Variants in RALY observed in about 807,000 individuals in gnomAD.
The protein encoded by RALY is RNA-binding protein Raly.
In RALY, 15 loss-of-function variants were observed where a neutral mutation model predicts 30.7. The ratio of observed to expected loss-of-function variants is 0.49; its 90% CI spans 0.33 to 0.75. The LOEUF (loss-of-function observed/expected upper bound fraction) is 0.75, where lower values mean the gene tolerates loss of function less well. RALY is among the 30% of genes least tolerant of loss of function. The pLI is 0.02. For missense variants in RALY, 339 were observed against 414.3 expected (o/e 0.82, Z 1.58); for synonymous variants, 177 against 170.8 (o/e 1.04, Z -0.28).
intron 1 of RALY, among the ~76,000 whole-genome samples, chr20:34,031,108 C>T (rs887608175): frequency 2.7e-5 from 4 of 147,956 alleles, no homozygotes; most frequent in African/African-American, 5.0e-5. Flanking sequence ...TGCAGTGGCA[C>T]GATCTCGCTC....
Position 34,076,689 on chromosome 20 carries a change from C to A in RALY, c.545-13C>A, listed in dbSNP as rs753197185. 4 of 1,612,152 alleles carry A rather than the reference C, an allele frequency of 2.5e-6. No homozygotes were observed. Among genetic ancestry groups the A allele is most frequent in the Non-Finnish European group, 3.4e-6 (4 of 1,178,722 alleles). ...CCCCCTAGGTGACAGCCCTGTCCCCCCTCCACTCCCAGTAAAGAGCAGTGA... is the reference window on the plus strand; with the variant it reads ...CCCCCTAGGTGACAGCCCTGTCCCCACTCCACTCCCAGTAAAGAGCAGTGA... On this transcript the variant is annotated splice_polypyrimidine_tract_variant and intron_variant, in intron 6 of 9. Transcript: ENST00000246194.
intron 2 of RALY, among the ~76,000 whole-genome samples, chr20:34,060,085 C>T (rs1201455485): frequency 2.0e-5 from 3 of 152,146 alleles, no homozygotes; most frequent in African/African-American, 7.2e-5. Context: ...TTTCCAAATA[C>T]TAGAGTTTTG....
intron 8 of RALY, 90 bp downstream of exon 8, chr20:34,077,335 C>A: frequency 6.4e-7 from 1 of 1,570,044 alleles, no homozygotes; most frequent in Non-Finnish European, 8.6e-7. Flanking sequence ...GAGCTGGTTG[C>A]CCCCACTGTG....
intron 6 of RALY, chr20:34,076,341 C>G (rs2122317319): frequency 2.0e-6 from 1 of 508,532 alleles, no homozygotes; most frequent in East Asian, 3.5e-5. Flanking sequence ...CACATTCACT[C>G]TGGTACACAC....
At position 34,077,084 on chromosome 20, in the gene RALY, A is replaced by AGCGGTG. The variant is rs377408088; in HGVS notation, c.724_729dup (p.Gly242_Gly243dup). The AGCGGTG allele has an allele frequency of 3.0e-5, 48 of 1,605,232 alleles. No individual in the cohort carries two copies. In the South Asian group the frequency reaches 4.8e-4, roughly 16 times the overall value. ...CGGCGGCGGCGGCGGTGGTGGTGGC[A>AGCGGTG]GCGGTGGCGGTGGCAGTGGTGGTGG... On this transcript the variant is annotated inframe_insertion, in exon 8 of 10. Transcript: ENST00000246194.
chr20:34,072,780 T>C (rs1010654928), intron 3 of RALY, among the ~76,000 whole-genome samples: 1 of 152,236 alleles, frequency 6.6e-6, no homozygotes, highest in Non-Finnish European at 1.5e-5. Flanking sequence ...TCTTGAAGTA[T>C]GTACAGTGTT....
intron 1 of RALY, among the ~76,000 whole-genome samples, chr20:34,000,185 C>T (rs2030848647): frequency 6.6e-6 from 1 of 152,192 alleles, no homozygotes; most frequent in Non-Finnish European, 1.5e-5. Flanking sequence ...GCTCAGGGTG[C>T]AGCTCACAGA....
At chr20:34,076,868 C>G (rs929727074) in intron 7 of RALY, 53 bp downstream of exon 7, 25 of 1,598,240 alleles carry the variant, frequency 1.6e-5, no homozygotes, top group African/African-American at 2.7e-5. Context: ...CAGGGCAGAG[C>G]ATGGGGAAAT....
At chr20:34,061,038 G>A (rs2033401051) in intron 2 of RALY, among the ~76,000 whole-genome samples, 1 of 152,168 alleles carries the variant, frequency 6.6e-6, no homozygotes, top group Admixed American at 6.5e-5. Flanking sequence ...TTTGTAAACA[G>A]CCATGATAAA....
At chr20:34,022,079 TTTC>T (rs1282311664) in intron 1 of RALY, among the ~76,000 whole-genome samples, 7 of 148,408 alleles carry the variant, frequency 4.7e-5, no homozygotes, top group African/African-American at 1.5e-4. Context: ...TCCTTTTTTC[TTTC>T]TTTCTTTCTT....
chr20:34,059,279 G>C (rs572492233), intron 2 of RALY, among the ~76,000 whole-genome samples: 3 of 152,348 alleles, frequency 2.0e-5, no homozygotes, highest in African/African-American at 4.8e-5. Flanking sequence ...GATTCTGCAT[G>C]AAAGGATTTT....
chr20:34,052,536 A>G (rs529501123), intron 2 of RALY, among the ~76,000 whole-genome samples: 5 of 152,220 alleles, frequency 3.3e-5, no homozygotes, highest in Non-Finnish European at 7.3e-5. Flanking sequence ...AGGATCCTGC[A>G]AACCACTAAT....
At position 34,084,642 on chromosome 20, in the gene RALY, T is replaced by C. The variant is rs935878023; in HGVS notation, c.*4737T>C. The stretch of plus-strand genomic sequence containing the variant: ...CTGAAGCACTAGCAGCTTCCACTTA[T>C]TATCTCTTGGGACTCTAGCTCTTGG... On this transcript the variant is annotated 3_prime_UTR_variant, in exon 10 of 10. Transcript: ENST00000246194. 6 of 152,296 alleles carry C rather than the reference T, an allele frequency of 3.9e-5. No homozygotes were observed. The highest frequency in any genetic ancestry group is 6.5e-5 in the Admixed American group (1 of 15,282). The allele number at this position is 152,296 out of a possible 1,614,324, so 9.4% of individuals were successfully genotyped here.
intron 2 of RALY, chr20:34,033,362 G>A (rs946326873): frequency 3.3e-5 from 5 of 152,214 alleles, no homozygotes; most frequent in African/African-American, 4.8e-5. Flanking sequence ...CTCGTTTTAT[G>A]TTGTTATAAA....
At position 33,999,775 on chromosome 20, in the gene RALY, G is replaced by A. The variant is rs527612391; in HGVS notation, c.-93+5644G>A. Among the ~76,000 whole-genome samples the A allele has an allele frequency of 4.6e-5, 7 of 152,214 alleles. No individual in the cohort carries two copies. In the South Asian group the frequency reaches 1.2e-3, roughly 27 times the overall value. On this transcript the variant is annotated intron_variant, in intron 1 of 9. Coordinates refer to ENST00000246194, the MANE Select transcript of RALY (RefSeq NM_016732.3). Reference sequence around the variant, plus strand: ...GATGGGGCAGGGCAGGGTAGGACAGGATGGAGAGGGACCCGGAAGGGTTTC... The same window carrying A: ...GATGGGGCAGGGCAGGGTAGGACAGAATGGAGAGGGACCCGGAAGGGTTTC...
At chr20:34,077,660 G>A (rs899230694) in intron 8 of RALY, 2 of 291,990 alleles carry the variant, frequency 6.8e-6, no homozygotes, top group East Asian at 1.1e-4. Flanking sequence ...GTCTCATAAG[G>A]GGGTGAGCTC....
chr20:34,076,596 AC>A (rs1356734418), intron 6 of RALY, 105 bp from the exon 7 acceptor site: 3 of 1,036,408 alleles, frequency 2.9e-6, no homozygotes, highest in African/African-American at 1.6e-5. Flanking sequence ...ACAAAACAAA[AC>A]AAAAAATAAC....
intron 1 of RALY, among the ~76,000 whole-genome samples, chr20:34,018,336 C>G (rs2031685164): frequency 2.0e-5 from 3 of 152,164 alleles, no homozygotes; most frequent in Admixed American, 2.0e-4. Context: ...AGCAGCAGTC[C>G]TCTGTCCTCT....
At chr20:34,007,528 A>G (rs543215715) in intron 1 of RALY, among the ~76,000 whole-genome samples, 57 of 151,132 alleles carry the variant, frequency 3.8e-4, no homozygotes, top group Non-Finnish European at 6.8e-4. Context: ...CTCAAAAAAA[A>G]CAAAACAAAA....
Sources: gnomAD v4.1 joint callset for allele counts (sites outside exome capture counted in the v4.1 genomes callset) on GRCh38, gnomAD v4.1.1 for gene constraint, MANE v1.5 for transcripts, NCBI Gene and HGNC (gene_info 2026-07-23, HGNC 2026-07-21) for gene names.